Variants in NXPE2 observed in about 807,000 individuals in gnomAD.
NXPE2 encodes the protein neurexophilin and PC-esterase domain family member 2, also known as NXPE family member 2.
A neutral mutation model predicts 34.4 loss-of-function variants in NXPE2; 34 were observed. The ratio of observed to expected loss-of-function variants is 0.99; its 90% CI spans 0.75 to 1.31. The LOEUF is 1.31. NXPE2 is among the 40% of genes most tolerant of loss of function. The probability of loss-of-function intolerance (pLI) is 0.00; values close to 1 mark genes in which losing one functional copy is unlikely to be tolerated. For synonymous variants in NXPE2, 235 were observed against 231.3 expected (o/e 1.02, Z -0.15); for missense variants, 649 against 672.5 (o/e 0.97, Z 0.39).
At chr11:114,582,997 T>C in the NXPE2 span, 4 of 1,612,624 alleles carry the variant, frequency 2.5e-6, no homozygotes, top group Non-Finnish European at 3.4e-6. Context: ...TGGAGGGAGA[T>C]GGATAAGTTT....
At chr11:114,472,041 A>G in the NXPE2 span, among the ~76,000 whole-genome samples, 2 of 152,202 alleles carry the variant, frequency 1.3e-5, no homozygotes, top group African/African-American at 4.8e-5. Flanking sequence ...AGATAAATCA[A>G]AGAGTTTAAT....
chr11:114,537,048 C>G, the NXPE2 span, among the ~76,000 whole-genome samples: 16 of 152,084 alleles, frequency 1.1e-4, no homozygotes, highest in East Asian at 2.5e-3. Context: ...ACTGGCAAAC[C>G]GAATCCAGCA....
chr11:114,801,148 G>A, the NXPE2 span, among the ~76,000 whole-genome samples: 1 of 152,170 alleles, frequency 6.6e-6, no homozygotes, highest in Non-Finnish European at 1.5e-5. Flanking sequence ...GTTTTATGGT[G>A]CTTACATTCT....
At chr11:114,475,434 G>A in the NXPE2 span, among the ~76,000 whole-genome samples, 5 of 151,656 alleles carry the variant, frequency 3.3e-5, no homozygotes, top group African/African-American at 7.3e-5. Context: ...AGTAGAGATG[G>A]GGTTTCGCCA....
chr11:114,556,960 T>C, the NXPE2 span, among the ~76,000 whole-genome samples: 1 of 151,876 alleles, frequency 6.6e-6, no homozygotes, highest in Non-Finnish European at 1.5e-5. Flanking sequence ...TGGCACTATC[T>C]TGGCTCACTG....
At chr11:114,515,649 T>C in the NXPE2 span, among the ~76,000 whole-genome samples, 1 of 152,158 alleles carries the variant, frequency 6.6e-6, no homozygotes, top group East Asian at 1.9e-4. Flanking sequence ...TCTATTTTTG[T>C]TTACTGAATC....
the NXPE2 span, chr11:114,521,888 A>T: frequency 8.9e-7 from 1 of 1,117,686 alleles, no homozygotes; most frequent in African/African-American, 1.6e-5. Flanking sequence ...AGTTCCTAAA[A>T]TGAGTAAAAC....
At chr11:114,575,840 G>GAA in the NXPE2 span, among the ~76,000 whole-genome samples, 1 of 151,968 alleles carries the variant, frequency 6.6e-6, no homozygotes, top group Non-Finnish European at 1.5e-5. Flanking sequence ...CACAGAACTA[G>GAA]AAAAAACAAT....
the NXPE2 span, among the ~76,000 whole-genome samples, chr11:114,773,273 A>ACCCCCCCCCCCCCCCCCCCCCCC: frequency 2.7e-5 from 1 of 37,280 alleles, no homozygotes; most frequent in Non-Finnish European, 5.7e-5. Context: ...TACACAACCC[A>ACCCCCCCCCCCCCCCCCCCCCCC]CTCCCACCCC....
chr11:114,677,876 C>A (rs889896478), upstream of NXPE2, among the ~76,000 whole-genome samples: 2 of 152,040 alleles, frequency 1.3e-5, no homozygotes, highest in East Asian at 1.9e-4. Context: ...GGCCACCTGG[C>A]AGGTAGTTGC....
chr11:114,474,547 G>T, the NXPE2 span, among the ~76,000 whole-genome samples: 9 of 152,126 alleles, frequency 5.9e-5, no homozygotes, highest in East Asian at 7.7e-4. Context: ...AGTTATCATT[G>T]GATTTAGCCA....
chr11:114,590,624 A>G, the NXPE2 span, among the ~76,000 whole-genome samples: 1 of 152,192 alleles, frequency 6.6e-6, no homozygotes, highest in Non-Finnish European at 1.5e-5. Flanking sequence ...GAGGGCCTTC[A>G]ATCTTTATGT....
At chr11:114,535,799 A>G in the NXPE2 span, among the ~76,000 whole-genome samples, 3 of 152,320 alleles carry the variant, frequency 2.0e-5, no homozygotes, top group East Asian at 5.8e-4. Context: ...TTAGTGACCT[A>G]CAAAGAGACT....
intron 2 of NXPE2, among the ~76,000 whole-genome samples, chr11:114,690,365 G>A (rs575882139): frequency 6.6e-6 from 1 of 152,230 alleles, no homozygotes; most frequent in African/African-American, 2.4e-5. Flanking sequence ...GCTTAGTTTG[G>A]TGAGATATGA....
chr11:114,631,429 A>C, the NXPE2 span, among the ~76,000 whole-genome samples: 4 of 150,644 alleles, frequency 2.7e-5, no homozygotes, highest in African/African-American at 9.7e-5. Context: ...AAGAACAAAA[A>C]ACCAAACACT....
At chr11:114,533,272 G>C in the NXPE2 span, among the ~76,000 whole-genome samples, 1 of 152,142 alleles carries the variant, frequency 6.6e-6, no homozygotes, top group Non-Finnish European at 1.5e-5. Context: ...AAACTCAAAA[G>C]CATTTAAATT....
At chr11:114,592,843 CA>C in the NXPE2 span, among the ~76,000 whole-genome samples, 1 of 152,002 alleles carries the variant, frequency 6.6e-6, no homozygotes, top group Admixed American at 6.6e-5. Flanking sequence ...ACCAATGGAA[CA>C]GAATAGAGAA....
At chr11:114,674,983 C>T (rs1275612903), upstream of NXPE2, among the ~76,000 whole-genome samples, 1 of 151,706 alleles carries the variant, frequency 6.6e-6, no homozygotes, top group Admixed American at 6.6e-5. Context: ...CCCTTGGATG[C>T]AAGGATGGTT....
the NXPE2 span, among the ~76,000 whole-genome samples, chr11:114,802,995 G>A: frequency 6.6e-6 from 1 of 152,114 alleles, no homozygotes; most frequent in African/African-American, 2.4e-5. Flanking sequence ...GGTGAAGCAG[G>A]GCCCGCAGGT....
Sources: gnomAD v4.1 joint callset for allele counts (sites outside exome capture counted in the v4.1 genomes callset) on GRCh38, gnomAD v4.1.1 for gene constraint, MANE v1.5 for transcripts, NCBI Gene and HGNC (gene_info 2026-07-23, HGNC 2026-07-21) for gene names.